Variants in BEST3 observed in about 807,000 individuals in gnomAD.
BEST3 encodes bestrophin 3, also known as bestrophin-3.
A neutral mutation model predicts 47.1 loss-of-function variants in BEST3; 50 were observed. The observed-to-expected ratio is 1.06, with a 90% CI of 0.85 to 1.34. The LOEUF (loss-of-function observed/expected upper bound fraction) is 1.34, where lower values mean the gene tolerates loss of function less well. Ranked by LOEUF, BEST3 falls within the 40% of genes most tolerant of loss-of-function variation. The pLI is 0.00. For missense variants in BEST3, 765 were observed against 817.0 expected (o/e 0.94, Z 0.78); for synonymous variants, 282 against 298.8 (o/e 0.94, Z 0.58).
At chr12:69,695,434 CAAAG>C (rs1468210700) in intron 2 of BEST3, among the ~76,000 whole-genome samples, 2 of 152,152 alleles carry the variant, frequency 1.3e-5, no homozygotes, top group Admixed American at 1.3e-4. Flanking sequence ...CTGGTCCTGA[CAAAG>C]AAGGTGTGTG....
At position 69,693,673 on chromosome 12, in the gene BEST3, C is replaced by A; in HGVS notation, c.481+1G>T. 2 of 1,603,704 alleles carry A rather than the reference C, an allele frequency of 1.2e-6. No homozygotes were observed. On this transcript the variant is annotated splice_donor_variant, in intron 4 of 9. Coordinates refer to ENST00000330891, the MANE Select transcript of BEST3 (RefSeq NM_032735.3). LOFTEE classifies it high-confidence loss of function. ...ATGGAAGGAAAAGCCATTCATAGTA[C>A]CTGCTTCAACCACGTGGTCCATTGT...
chr12:69,655,553 C>A lies in BEST3; in HGVS notation c.1361G>T (p.Cys454Phe). The change falls in exon 10 of 10, where the codon TGC becomes TTC. Residue 454 changes from cysteine to phenylalanine, a missense_variant. Transcript: ENST00000330891. ...PRASPTWKKS[C>F]FPEGSPTLHF... ...CAGCGTGGGGCTTCCTTCTGGGAAGCAGGATTTCTTCCAGGTGGGTGAGGC... is the reference window on the plus strand; with the variant it reads ...CAGCGTGGGGCTTCCTTCTGGGAAGAAGGATTTCTTCCAGGTGGGTGAGGC... 6.2e-7 allele frequency: 1 copy of A among 1,614,008 alleles called. No individual in the cohort carries two copies. Among genetic ancestry groups the A allele is most frequent in the Non-Finnish European group, 8.5e-7 (1 of 1,179,994 alleles).
chr12:69,676,790 G>A (rs781020624), intron 7 of BEST3, 126 bp downstream of exon 7: 37 of 1,030,772 alleles, frequency 3.6e-5, no homozygotes, highest in Non-Finnish European at 4.9e-5. Context: ...ACATTGCTGA[G>A]CCATTACATG....
Position 69,697,812 on chromosome 12 carries a change from T to A in BEST3, c.-14A>T. The A allele has an allele frequency of 6.3e-7, 1 of 1,597,578 alleles. No individual in the cohort carries two copies. On this transcript the variant is annotated splice_region_variant and 5_prime_UTR_variant, in exon 2 of 10. Coordinates refer to ENST00000330891, the MANE Select transcript of BEST3 (RefSeq NM_032735.3). ...AGTGACAGTCATCTTGGATAGTTTTTTCTAGAAGAGCAAGAAGACAAAACA... is the reference window on the plus strand; with the variant it reads ...AGTGACAGTCATCTTGGATAGTTTTATCTAGAAGAGCAAGAAGACAAAACA...
intron 9 of BEST3, among the ~76,000 whole-genome samples, chr12:69,666,068 G>A (rs531213152): frequency 6.6e-6 from 1 of 152,254 alleles, no homozygotes; most frequent in South Asian, 2.1e-4. Flanking sequence ...CACCCAAACT[G>A]TAGTGCAGTG....
At chr12:69,683,063 C>T (rs915327286) in intron 4 of BEST3, among the ~76,000 whole-genome samples, 2 of 152,190 alleles carry the variant, frequency 1.3e-5, no homozygotes, top group Non-Finnish European at 2.9e-5. Context: ...TGTCACTTGA[C>T]CAAAGAATAA....
intron 4 of BEST3, chr12:69,689,368 G>A (rs758550640): frequency 2.7e-4 from 140 of 510,030 alleles, no homozygotes; most frequent in Middle Eastern, 9.6e-4. Context: ...CCTCCGAAGC[G>A]TCTCTCCTGG....
chr12:69,647,568 A>G (rs1307308427), intron 9 of BEST3, among the ~76,000 whole-genome samples: 1 of 152,186 alleles, frequency 6.6e-6, no homozygotes, highest in Non-Finnish European at 1.5e-5. Context: ...AGAACTTATG[A>G]AAGGTTGTTT....
chr12:69,698,129 C>T (rs898657205), intron 1 of BEST3, among the ~76,000 whole-genome samples: 2 of 152,130 alleles, frequency 1.3e-5, no homozygotes, highest in Admixed American at 6.5e-5. Context: ...ACAAGGCCCT[C>T]GTGAGAATTT....
intron 2 of BEST3, among the ~76,000 whole-genome samples, chr12:69,696,141 T>C (rs1886123648): frequency 6.6e-6 from 1 of 152,198 alleles, no homozygotes; most frequent in South Asian, 2.1e-4. Flanking sequence ...CTATAGTTCT[T>C]GGTATACCTT....
chr12:69,693,870 G>A lies in BEST3; in HGVS notation c.285C>T (p.Asn95=). 6.2e-7 allele frequency: 1 copy of A among 1,611,444 alleles called. No homozygotes were observed. Among genetic ancestry groups the A allele is most frequent in the East Asian group, 2.2e-5 (1 of 44,866 alleles). The change falls in exon 4 of 10, where the codon AAC becomes AAT. Residue 95 remains asparagine, a synonymous_variant. Coordinates refer to ENST00000330891, the MANE Select transcript of BEST3 (RefSeq NM_032735.3). ...YVTLVVNRWW[N]QFVNLPWPDR... ...CTGGCCAGGGCAAATTCACAAACTG[G>A]TTCCACCATCGGTTCACTACCAGAG...
intron 4 of BEST3, among the ~76,000 whole-genome samples, chr12:69,682,332 G>GT (rs1454583581): frequency 6.6e-6 from 1 of 152,124 alleles, no homozygotes; most frequent in Non-Finnish European, 1.5e-5. Context: ...AATAAACAAA[G>GT]TAACAACTAC....
At chr12:69,656,972 G>A (rs995311993) in intron 9 of BEST3, among the ~76,000 whole-genome samples, 1 of 152,198 alleles carries the variant, frequency 6.6e-6, no homozygotes, top group African/African-American at 2.4e-5. Context: ...TATTCATCCA[G>A]TTAGGGTGAA....
chr12:69,681,923 T>G (rs1022326644), intron 4 of BEST3, among the ~76,000 whole-genome samples: 1 of 151,622 alleles, frequency 6.6e-6, no homozygotes, highest in Admixed American at 6.6e-5. Flanking sequence ...TCTACTAAAA[T>G]TACAAAAATT....
Position 69,697,632 on chromosome 12 carries a change from T to C in BEST3, c.152+15A>G, listed in dbSNP as rs1055469511. ...TATCTGATGGCCATTTAAGGAGACA[T>C]GTAAAGAAAAGTACCTGTATACCAA... On this transcript the variant is annotated intron_variant, in intron 2 of 9. Transcript: ENST00000330891. 6.5e-7 allele frequency: 1 copy of C among 1,537,908 alleles called. No homozygotes were observed. Among genetic ancestry groups the C allele is most frequent in the Middle Eastern group, 2.1e-4 (1 of 4,766 alleles).
rs778702602 is a variant in BEST3 at position 69,678,892 on chromosome 12, A to C, written c.483T>G (p.Gly161=). 1.2e-6 allele frequency: 2 copies of C among 1,612,026 alleles called. No homozygotes were observed. The highest frequency in any genetic ancestry group is 1.7e-6 in the Non-Finnish European group (2 of 1,178,868). The change falls in exon 5 of 10, where the codon GGT becomes GGG. Residue 161 remains glycine (G), a splice_region_variant and synonymous_variant. Transcript: ENST00000330891. ...FPTMDHVVEA[G]FMTTDERKLF... ...ATTTCCTTTCATCTGTTGTCATAAA[A>C]CCTTTACAAAAAAATAAAAATCGGT...
At chr12:69,668,688 G>C (rs1237316089) in intron 9 of BEST3, among the ~76,000 whole-genome samples, 1 of 152,176 alleles carries the variant, frequency 6.6e-6, no homozygotes, top group East Asian at 1.9e-4. Context: ...TACTCCATAT[G>C]GTTGGACGGG....
rs190776678 is a variant in BEST3 at position 69,694,629 on chromosome 12, A to C, written c.153-165T>G. 2.5e-4 allele frequency among the ~76,000 whole-genome samples: 38 copies of C among 152,206 alleles called. No homozygotes were observed. The East Asian group carries it at 5.2e-3, about 21-fold the overall frequency. ...ACTGATGTGTCTCAAAAGCTTTTTA[A>C]TTGCTTAATGTCTCAAGTGCTAACA... On this transcript the variant is annotated intron_variant, in intron 2 of 9. Transcript: ENST00000330891.
intron 4 of BEST3, among the ~76,000 whole-genome samples, chr12:69,688,353 A>G (rs1332047458): frequency 1.3e-5 from 2 of 152,224 alleles, no homozygotes; most frequent in African/African-American, 4.8e-5. Flanking sequence ...CTGATAAATA[A>G]CTGATCACAG....
Sources: allele counts gnomAD v4.1 joint callset (sites outside exome capture counted in the v4.1 genomes callset), GRCh38; gene constraint gnomAD v4.1.1; transcripts MANE v1.5; gene names NCBI Gene and HGNC (gene_info 2026-07-23, HGNC 2026-07-21).